EPS8: variants seen among roughly 807,000 people sequenced by gnomAD.
EPS8 encodes epidermal growth factor receptor kinase substrate 8.
A neutral mutation model predicts 103.8 loss-of-function variants in EPS8; 42 were observed. The ratio of observed to expected loss-of-function variants is 0.40; its 90% CI spans 0.32 to 0.52. The LOEUF (loss-of-function observed/expected upper bound fraction) is 0.52. Among genes scored for constraint, EPS8 ranks in the 20% least tolerant of loss-of-function variants. EPS8 has a pLI of 0.40. For synonymous variants in EPS8, 344 were observed against 344.6 expected, an observed-to-expected ratio of 1.00 and a Z score of 0.02; for missense variants, 969 against 1,005.1, an observed-to-expected ratio of 0.96 and a Z score of 0.49.
intron 15 of EPS8, among the ~76,000 whole-genome samples, chr12:15,643,284 T>C (rs4480593): frequency 2.4e-4 from 37 of 152,234 alleles, no homozygotes; most frequent in African/African-American, 8.2e-4. Context: ...CTATAACAAA[T>C]TTTTTGTTAT....
At chr12:15,633,657 T>C (rs1258646670) in intron 17 of EPS8, among the ~76,000 whole-genome samples, 1 of 152,218 alleles carries the variant, frequency 6.6e-6, no homozygotes, top group Non-Finnish European at 1.5e-5. Context: ...TTAAAATACA[T>C]ATTTGATTAA....
chr12:15,761,827 A>G lies in EPS8; in HGVS notation c.-22+27334T>C, dbSNP rs779841729. On this transcript the variant is annotated intron_variant, in intron 1 of 20. Coordinates refer to ENST00000281172, the MANE Select transcript of EPS8 (RefSeq NM_004447.6). The surrounding 1 kb of genome is among the most constrained non-coding windows in gnomAD (Gnocchi z 4.5). Reference sequence around the variant, plus strand: ...TTCAATCTAAGACCTCAAACTATGAAACTACTACAAGAAAACATTGGGGAA... The same window carrying G: ...TTCAATCTAAGACCTCAAACTATGAGACTACTACAAGAAAACATTGGGGAA... Among the ~76,000 whole-genome samples, 5 of 152,198 alleles carry G rather than the reference A, an allele frequency of 3.3e-5. No homozygotes were observed. The highest frequency in any genetic ancestry group is 5.9e-5 in the Non-Finnish European group (4 of 68,028).
rs1946249372 is a variant in EPS8 at position 15,696,790 on chromosome 12, G to C, written c.-21-13818C>G. 6.6e-6 allele frequency among the ~76,000 whole-genome samples: 1 copy of C among 152,014 alleles called. No homozygotes were observed. Among genetic ancestry groups the C allele is most frequent in the Non-Finnish European group, 1.5e-5 (1 of 68,026 alleles). ...ATAAACCCCCAAAAATATTTGCCAGGAATTACATTCCTAAACTCGGGCATG... is the reference window on the plus strand; with the variant it reads ...ATAAACCCCCAAAAATATTTGCCAGCAATTACATTCCTAAACTCGGGCATG... On this transcript the variant is annotated intron_variant, in intron 1 of 20. Coordinates refer to ENST00000281172, the MANE Select transcript of EPS8 (RefSeq NM_004447.6). This position sits in a 1 kb window ranked among gnomAD's most constrained non-coding sequence, Gnocchi z 4.8.
chr12:15,753,072 A>G (rs1397719319), intron 1 of EPS8, among the ~76,000 whole-genome samples: 1 of 151,642 alleles, frequency 6.6e-6, no homozygotes, highest in Non-Finnish European at 1.5e-5. Flanking sequence ...CTGCAAATCC[A>G]GGGCTGAACA....
intron 18 of EPS8, among the ~76,000 whole-genome samples, chr12:15,629,070 A>G (rs1944998514): frequency 6.6e-6 from 1 of 152,258 alleles, no homozygotes; most frequent in Admixed American, 6.5e-5. Context: ...TAAGATTTTT[A>G]ATATTCTAAG....
At chr12:15,675,687 A>C (rs1028619156) in intron 3 of EPS8, among the ~76,000 whole-genome samples, 2 of 151,670 alleles carry the variant, frequency 1.3e-5, no homozygotes, top group African/African-American at 4.9e-5. Context: ...AAAATCTCAA[A>C]GTTAACTGTA....
Position 15,748,256 on chromosome 12 carries a change from T to A in EPS8, c.-22+40905A>T, listed in dbSNP as rs1472702121. Reference sequence around the variant, plus strand: ...AATGATATAATAATGTAAAATGTTTTGAAAACTTCGAAATTCTTCACAAAT... The same window carrying A: ...AATGATATAATAATGTAAAATGTTTAGAAAACTTCGAAATTCTTCACAAAT... On this transcript the variant is annotated intron_variant, in intron 1 of 20. Coordinates refer to ENST00000281172, the MANE Select transcript of EPS8 (RefSeq NM_004447.6). This position sits in a 1 kb window ranked among gnomAD's most constrained non-coding sequence, Gnocchi z 4.8. Among the ~76,000 whole-genome samples, 4 of 152,176 alleles carry A rather than the reference T, an allele frequency of 2.6e-5. No individual in the cohort carries two copies. The highest frequency in any genetic ancestry group is 9.7e-5 in the African/African-American group (4 of 41,430).
chr12:15,640,912 T>C (rs958175844), intron 16 of EPS8, 66 bp from the exon 17 acceptor site: 50 of 1,497,060 alleles, frequency 3.3e-5, no homozygotes, highest in Non-Finnish European at 4.5e-5. Flanking sequence ...AGAAGTTCCC[T>C]AGACTTCAAC....
In EPS8 at chr12:15,685,517, T is replaced by C. The variant is rs186588235; in HGVS notation, c.-21-2545A>G. Among the ~76,000 whole-genome samples, 88 of 152,372 alleles carry C rather than the reference T, an allele frequency of 5.8e-4. 1 individual carries two copies. Among genetic ancestry groups the C allele is most frequent in the African/African-American group, 2.0e-3 (84 of 41,584 alleles). The stretch of plus-strand genomic sequence containing the variant: ...AGCCACAGCATCTCATCTTTTCATG[T>C]TTAATTCTTCATGACAATCAAATAA... On this transcript the variant is annotated intron_variant, in intron 1 of 20. Coordinates refer to ENST00000281172, the MANE Select transcript of EPS8 (RefSeq NM_004447.6).
At chr12:15,672,494 T>A in intron 3 of EPS8, 1 of 398,516 alleles carries the variant, frequency 2.5e-6, no homozygotes. Flanking sequence ...GGAAGTATGA[T>A]CCATCTGGTC....
intron 4 of EPS8, among the ~76,000 whole-genome samples, 196 bp downstream of exon 4, chr12:15,670,660 C>A (rs554062333): frequency 6.6e-6 from 1 of 152,190 alleles, no homozygotes; most frequent in South Asian, 2.1e-4. Context: ...GATTTTAAAT[C>A]ATTCTTTATG....
In EPS8 at chr12:15,688,253, T is replaced by G. The variant is rs1946122352; in HGVS notation, c.-21-5281A>C. On this transcript the variant is annotated intron_variant, in intron 1 of 20. Transcript: ENST00000281172. This position sits in a 1 kb window ranked among gnomAD's most constrained non-coding sequence, Gnocchi z 5.1. Reference sequence around the variant, plus strand: ...CATTATCAGCTAGTTATTGGCTCTATTTTATGGGTGAGATGACAGCCTCAA... The same window carrying G: ...CATTATCAGCTAGTTATTGGCTCTAGTTTATGGGTGAGATGACAGCCTCAA... Among the ~76,000 whole-genome samples the G allele has an allele frequency of 6.6e-6, 1 of 152,182 alleles. No individual in the cohort carries two copies. The highest frequency in any genetic ancestry group is 1.5e-5 in the Non-Finnish European group (1 of 68,026).
rs116723298 is a variant in EPS8, at chr12:15,695,044, C to T, written c.-21-12072G>A. Among the ~76,000 whole-genome samples, 1,991 of 152,128 alleles carry T rather than the reference C, an allele frequency of 0.013. 47 individuals carry two copies. Among genetic ancestry groups the T allele is most frequent in the African/African-American group, 0.046 (1,899 of 41,500 alleles). On this transcript the variant is annotated intron_variant, in intron 1 of 20. Transcript: ENST00000281172. This position sits in a 1 kb window ranked among gnomAD's most constrained non-coding sequence, Gnocchi z 5.0. ...GCACTTTACATGCATTATCTTACTT[C>T]TTATTAAGAGGTAAAAAGAACTTCT...
At chr12:15,649,232 G>A (rs966477429) in intron 14 of EPS8, among the ~76,000 whole-genome samples, 4 of 152,068 alleles carry the variant, frequency 2.6e-5, no homozygotes, top group African/African-American at 9.7e-5. Context: ...CTTATATCCT[G>A]GGAGCCCAGA....
Position 15,623,201 on chromosome 12 carries a change from G to A in EPS8, c.2312C>T (p.Ala771Val), listed in dbSNP as rs772084003. 6.8e-6 allele frequency: 11 copies of A among 1,612,766 alleles called. No individual in the cohort carries two copies. The highest frequency in any genetic ancestry group is 1.1e-5 in the South Asian group (1 of 90,948). ...DELRTVCPEGARVYSQITVQK... is the reference protein window; with the variant it reads ...DELRTVCPEGVRVYSQITVQK... Reference sequence around the variant, plus strand: ...TACAGTGATTTGGCTATAGACTCTCGCCCCTTCAGGGCAGACTGTCCTCAG... The same window carrying A: ...TACAGTGATTTGGCTATAGACTCTCACCCCTTCAGGGCAGACTGTCCTCAG... The change falls in exon 20 of 21, where the codon GCG (alanine) becomes GTG (valine). Residue 771 changes from alanine to valine, a missense_variant. Physicochemically the swap from Ala to Val is moderately conservative, Grantham distance 64 (BLOSUM62 0). Transcript: ENST00000281172.
chr12:15,734,229 A>G lies in EPS8; in HGVS notation c.-21-51257T>C, dbSNP rs1268344568. Among the ~76,000 whole-genome samples the G allele has an allele frequency of 1.3e-5, 2 of 152,190 alleles. No homozygotes were observed. Among genetic ancestry groups the G allele is most frequent in the Non-Finnish European group, 2.9e-5 (2 of 68,028 alleles). ...AGTTCTAAAAATGTCAATGCTTTCA[A>G]GACCATATAATCAGTTTAGTTTTGT... On this transcript the variant is annotated intron_variant, in intron 1 of 20. Transcript: ENST00000281172. This position sits in a 1 kb window ranked among gnomAD's most constrained non-coding sequence, Gnocchi z 4.1.
chr12:15,651,046 G>C, intron 13 of EPS8, 40 bp from the exon 14 acceptor site: 3 of 1,548,420 alleles, frequency 1.9e-6, no homozygotes, highest in Non-Finnish European at 2.7e-6. Flanking sequence ...ATAAAATCTA[G>C]GAATGTATCC....
At chr12:15,683,254 C>T (rs1219602266) in intron 1 of EPS8, 1 of 195,590 alleles carries the variant, frequency 5.1e-6, no homozygotes, top group African/African-American at 2.3e-5. Flanking sequence ...AGCATATAGA[C>T]ATAATTCTAC....
Position 15,620,405 on chromosome 12 carries a change from A to G in EPS8, c.*912T>C, listed in dbSNP as rs2135701889. The G allele has an allele frequency of 6.5e-6, 1 of 152,772 alleles. No homozygotes were observed. The highest frequency in any genetic ancestry group is 2.1e-4 in the South Asian group (1 of 4,828). 9.5% of individuals were successfully genotyped at this position (152,772 alleles called of 1,614,324 possible). A position where few individuals can be genotyped will look rare whatever the true frequency, so the allele number is the denominator to read the frequency against. On this transcript the variant is annotated 3_prime_UTR_variant, in exon 21 of 21. Transcript: ENST00000281172. ...TTCTTTTCTCTATGTGGAATCTTTC[A>G]CAGGATTAAAATATGTGTAAATTAA... is the stretch of plus-strand genomic sequence containing the variant.
Sources: gnomAD v4.1 joint callset for allele counts (sites outside exome capture counted in the v4.1 genomes callset) on GRCh38, gnomAD v4.1.1 for gene constraint, Gnocchi (gnomAD v3.1) non-coding constraint, MANE v1.5 for transcripts, NCBI Gene and HGNC (gene_info 2026-07-23, HGNC 2026-07-21) for gene names.